The following ANKRD13B variants were observed in gnomAD, a reference collection of about 807,000 sequenced individuals.
ANKRD13B encodes the protein ankyrin repeat domain 13B, also known as ankyrin repeat domain-containing protein 13B.
In ANKRD13B, 33 loss-of-function variants were observed where a neutral mutation model predicts 74.4. The ratio of observed to expected loss-of-function variants is 0.44; its 90% CI spans 0.34 to 0.59. The LOEUF is 0.59. Among genes scored for constraint, ANKRD13B ranks in the 20% least tolerant of loss-of-function variants. ANKRD13B has a pLI of 0.02. For missense variants in ANKRD13B, 676 were observed against 877.9 expected, an observed-to-expected ratio of 0.77 and a Z score of 2.91; for synonymous variants, 341 against 362.9, an observed-to-expected ratio of 0.94 and a Z score of 0.68.
intron 1 of ANKRD13B, chr17:29,594,038 A>T: frequency 5.8e-6 from 1 of 173,900 alleles, no homozygotes; most frequent in East Asian, 1.5e-4. Flanking sequence ...ATGTGGTGGG[A>T]GAGTCCGCCC....
intron 2 of ANKRD13B, 35 bp from the exon 3 acceptor site, chr17:29,607,951 G>A: frequency 6.3e-7 from 1 of 1,590,600 alleles, no homozygotes; most frequent in Non-Finnish European, 8.6e-7. Context: ...TGGCTGAAGG[G>A]TCCTGCCCTG....
intron 1 of ANKRD13B, among the ~76,000 whole-genome samples, chr17:29,599,875 T>G (rs907835577): frequency 1.7e-5 from 2 of 118,628 alleles, no homozygotes; most frequent in African/African-American, 3.8e-5. Flanking sequence ...GTTTTTTTTT[T>G]TTTTTTTTTT....
Position 29,613,519 on chromosome 17 carries a change from G to A in ANKRD13B, c.1818G>A (p.Arg606=). The A allele has an allele frequency of 1.3e-6, 2 of 1,526,062 alleles. No individual in the cohort carries two copies. Among genetic ancestry groups the A allele is most frequent in the South Asian group, 1.2e-5 (1 of 81,530 alleles). 94.5% of individuals were successfully genotyped at this position (1,526,062 alleles called of 1,614,324 possible). The part of the protein sequence containing the change: ...LSAQEQEERR[R]RARQEEEELE... ...CGCAGGAGCAGGAGGAGAGGCGGCG[G>A]CGCGCGCGCCAGGAGGAGGAGGAGC... Residue 606 remains arginine, a synonymous_variant, in exon 15 of 15, where the codon CGG becomes CGA. Transcript: ENST00000394859.
chr17:29,604,614 T>C (rs1002954740), intron 1 of ANKRD13B, among the ~76,000 whole-genome samples: 1 of 151,884 alleles, frequency 6.6e-6, no homozygotes, highest in Non-Finnish European at 1.5e-5. Context: ...CAGTCTTGGC[T>C]CACTGCAACC....
At position 29,613,491 on chromosome 17, in the gene ANKRD13B, C is replaced by T; in HGVS notation, c.1790C>T (p.Ser597Leu). Reference protein sequence around the residue: ...DEQLRLAMELSAQEQEERRRR... With the variant: ...DEQLRLAMELLAQEQEERRRR... ...CAGCTGCGGCTGGCGATGGAACTGT[C>T]GGCGCAGGAGCAGGAGGAGAGGCGG... Residue 597 changes from serine to leucine, a missense_variant, in exon 15 of 15, where the codon TCG becomes TTG. Ser to Leu is a moderately radical substitution (Grantham distance 145). This residue lies in a region of ANKRD13B where 108 missense variants were observed against 90.3 expected (regional missense o/e 1.20). Transcript: ENST00000394859. 1 of 1,532,366 alleles carries T rather than the reference C, an allele frequency of 6.5e-7. No homozygotes were observed. The highest frequency in any genetic ancestry group is 2.0e-5 in the Admixed American group (1 of 49,768). 94.9% of individuals were successfully genotyped at this position (1,532,366 alleles called of 1,614,324 possible).
chr17:29,609,586 A>G lies in ANKRD13B; in HGVS notation c.822+165A>G, dbSNP rs2034507985. ...GGCACTTCTCTGGTGTTTTATATGG[A>G]TGTATGGATGTATACACAGGGCACG... On this transcript the variant is annotated intron_variant, in intron 7 of 14. Coordinates refer to ENST00000394859, the MANE Select transcript of ANKRD13B (RefSeq NM_152345.5). This position sits in a 1 kb window ranked among gnomAD's most constrained non-coding sequence, Gnocchi z 4.0. 6.6e-6 allele frequency among the ~76,000 whole-genome samples: 1 copy of G among 152,170 alleles called. No homozygotes were observed. Among genetic ancestry groups the G allele is most frequent in the African/African-American group, 2.4e-5 (1 of 41,448 alleles).
chr17:29,610,182 A>T, intron 7 of ANKRD13B, among the ~76,000 whole-genome samples: 1 of 144,332 alleles, frequency 6.9e-6, no homozygotes, highest in East Asian at 2.0e-4. Context: ...ACAGAGCGAG[A>T]CTCCATCTAA....
At chr17:29,599,861 A>ATTTT (rs1197088972) in intron 1 of ANKRD13B, among the ~76,000 whole-genome samples, 2 of 54,848 alleles carry the variant, frequency 3.6e-5, no homozygotes, top group African/African-American at 9.1e-5. Context: ...TTAGCATCTA[A>ATTTT]TTTGTTTTTT....
Position 29,593,229 on chromosome 17 carries a change from G to C in ANKRD13B, c.-393G>C, listed in dbSNP as rs2033828208. On this transcript the variant is annotated 5_prime_UTR_variant, in exon 1 of 15. Coordinates refer to ENST00000394859, the MANE Select transcript of ANKRD13B (RefSeq NM_152345.5). Reference sequence around the variant, plus strand: ...GTGGGGACCCGGGGGCTGCGGGCGCGCGTCCCTGCGGCGGCGTCCCCGGGG... The same window carrying C: ...GTGGGGACCCGGGGGCTGCGGGCGCCCGTCCCTGCGGCGGCGTCCCCGGGG... Among the ~76,000 whole-genome samples the C allele has an allele frequency of 6.7e-6, 1 of 149,896 alleles. No individual in the cohort carries two copies. The highest frequency in any genetic ancestry group is 1.5e-5 in the Non-Finnish European group (1 of 67,146).
intron 1 of ANKRD13B, among the ~76,000 whole-genome samples, chr17:29,597,972 TCTTATTAG>T (rs2034012523): frequency 1.3e-5 from 2 of 151,902 alleles, no homozygotes; most frequent in South Asian, 4.2e-4. Flanking sequence ...CTCCCTAGGG[TCTTATTAG>T]CTGCAGCGGC....
intron 1 of ANKRD13B, 121 bp from the exon 2 acceptor site, chr17:29,607,621 G>T: frequency 7.3e-7 from 1 of 1,362,344 alleles, no homozygotes; most frequent in Non-Finnish European, 9.9e-7. Flanking sequence ...TTGTGAGGTT[G>T]GTGAGGCAGA....
At chr17:29,604,529 TTC>T (rs1294022741) in intron 1 of ANKRD13B, among the ~76,000 whole-genome samples, 2 of 150,192 alleles carry the variant, frequency 1.3e-5, no homozygotes, top group South Asian at 4.2e-4. Context: ...ATTTTTCTTT[TTC>T]TTTTTCTTTT....
At chr17:29,603,856 A>T (rs2034265564) in intron 1 of ANKRD13B, among the ~76,000 whole-genome samples, 2 of 146,790 alleles carry the variant, frequency 1.4e-5, no homozygotes, top group Admixed American at 6.8e-5. Context: ...TTTTCTCCTG[A>T]TTATAGGTTA....
chr17:29,607,652 G>A, intron 1 of ANKRD13B, 90 bp from the exon 2 acceptor site: 2 of 1,501,974 alleles, frequency 1.3e-6, no homozygotes, highest in South Asian at 2.6e-5. Flanking sequence ...CAGGGGGTGG[G>A]GGTTGCTGCC....
At position 29,607,785 on chromosome 17, in the gene ANKRD13B, A is replaced by G; in HGVS notation, c.158A>G (p.His53Arg). ...QLDPRGRTPL[H>R]LATTLGHLEC... ...GATCCCCGCGGCCGGACTCCCCTGCACCTGGCCACCACGCTGGGGCACCTT... is the reference window on the plus strand; with the variant it reads ...GATCCCCGCGGCCGGACTCCCCTGCGCCTGGCCACCACGCTGGGGCACCTT... The change falls in exon 2 of 15, where the codon CAC becomes CGC. Residue 53 changes from histidine (H) to arginine (R), a missense_variant. By Grantham distance (29) the His-to-Arg change is conservative. Around this residue, in one of 4 missense-constraint regions of ANKRD13B, gnomAD observed 88 missense variants for 87.8 expected, o/e 1.00. Coordinates refer to ENST00000394859, the MANE Select transcript of ANKRD13B (RefSeq NM_152345.5). The G allele has an allele frequency of 6.2e-7, 1 of 1,602,850 alleles. No individual in the cohort carries two copies. The highest frequency in any genetic ancestry group is 8.5e-7 in the Non-Finnish European group (1 of 1,179,802).
At chr17:29,604,547 CTT>C (rs555021703) in intron 1 of ANKRD13B, among the ~76,000 whole-genome samples, 2 of 133,826 alleles carry the variant, frequency 1.5e-5, no homozygotes, top group Admixed American at 7.5e-5. Flanking sequence ...CTTTTCTTTT[CTT>C]TTTTTTTTTT....
At position 29,593,290 on chromosome 17, in the gene ANKRD13B, G is replaced by C. The variant is rs2033830986; in HGVS notation, c.-332G>C. On this transcript the variant is annotated 5_prime_UTR_variant, in exon 1 of 15. Coordinates refer to ENST00000394859, the MANE Select transcript of ANKRD13B (RefSeq NM_152345.5). The stretch of plus-strand genomic sequence containing the variant: ...GTGCGCCCCCGCGCCCGCTGCGGGC[G>C]CCTGCTCCCTCCGCCGAGCGGCGTC... 6.7e-6 allele frequency among the ~76,000 whole-genome samples: 1 copy of C among 148,378 alleles called. No individual in the cohort carries two copies. Among genetic ancestry groups the C allele is most frequent in the Admixed American group, 6.7e-5 (1 of 14,950 alleles).
intron 1 of ANKRD13B, among the ~76,000 whole-genome samples, chr17:29,599,074 T>C (rs115297703): frequency 1.3e-5 from 2 of 152,252 alleles, no homozygotes; most frequent in East Asian, 3.9e-4. Context: ...GATAGAGCCA[T>C]AGCAGCTGTT....
chr17:29,604,790 G>A (rs1180782354), intron 1 of ANKRD13B, among the ~76,000 whole-genome samples: 4 of 152,090 alleles, frequency 2.6e-5, no homozygotes, highest in Non-Finnish European at 4.4e-5. Flanking sequence ...TGATCTGCCC[G>A]CCTCCGCCTC....
Sources: allele counts gnomAD v4.1 joint callset (sites outside exome capture counted in the v4.1 genomes callset), GRCh38; gene constraint gnomAD v4.1.1; regional missense constraint gnomAD v4.1.1; non-coding constraint Gnocchi (gnomAD v3.1); transcripts MANE v1.5; gene names NCBI Gene and HGNC (gene_info 2026-07-23, HGNC 2026-07-21).